RBMS1: variants seen among roughly 807,000 people sequenced by gnomAD.
The protein encoded by RBMS1 is RNA binding motif single stranded interacting protein 1, also known as RNA-binding motif, single-stranded-interacting protein 1.
Under a neutral mutation model 62.3 loss-of-function variants are expected in RBMS1, and 17 were observed. The observed-to-expected ratio is 0.27, with a 90% CI of 0.19 to 0.41. RBMS1 has a LOEUF of 0.41. Among genes scored for constraint, RBMS1 ranks in the 10% least tolerant of loss-of-function variants. The pLI is 1.00. For synonymous variants in RBMS1, 172 were observed against 170.0 expected (o/e 1.01, Z -0.09); for missense variants, 334 against 504.5 (o/e 0.66, Z 3.24).
chr2:160,363,598 C>T lies in RBMS1; in HGVS notation c.251+3618G>A, dbSNP rs200338129. 2.0e-5 allele frequency among the ~76,000 whole-genome samples: 3 copies of T among 151,794 alleles called. No individual in the cohort carries two copies. In the East Asian group the frequency reaches 5.8e-4, roughly 29 times the overall value. On this transcript the variant is annotated intron_variant, in intron 2 of 13. Coordinates refer to ENST00000348849, the MANE Select transcript of RBMS1 (RefSeq NM_016836.4). ...GGGCTGGAGAAGAAGGAAGAAGGGC[C>T]AAAGAAGAATCCACAAAACTTAGTG...
At chr2:160,343,309 G>A (rs565081428) in intron 2 of RBMS1, among the ~76,000 whole-genome samples, 1 of 152,274 alleles carries the variant, frequency 6.6e-6, no homozygotes, top group East Asian at 1.9e-4. Context: ...AATTCTCTTG[G>A]AATGTCATAA....
At chr2:160,431,878 C>A (rs1327381732) in intron 1 of RBMS1, among the ~76,000 whole-genome samples, 2 of 152,106 alleles carry the variant, frequency 1.3e-5, no homozygotes, top group East Asian at 1.9e-4. Context: ...TGTTATATAA[C>A]CCTCATATAG....
intron 1 of RBMS1, among the ~76,000 whole-genome samples, chr2:160,486,548 A>G (rs1475545203): frequency 6.6e-6 from 1 of 152,148 alleles, no homozygotes; most frequent in Non-Finnish European, 1.5e-5. Context: ...CCAACTGCAT[A>G]GCGCATGTTG....
At chr2:160,398,290 C>G (rs1160149030) in intron 1 of RBMS1, among the ~76,000 whole-genome samples, 6 of 152,118 alleles carry the variant, frequency 3.9e-5, no homozygotes, top group Non-Finnish European at 8.8e-5. Context: ...AACCAATGTA[C>G]TTGTTAGACT....
chr2:160,290,977 G>C (rs1442295688), intron 6 of RBMS1, among the ~76,000 whole-genome samples: 1 of 149,604 alleles, frequency 6.7e-6, no homozygotes, highest in East Asian at 2.1e-4. Flanking sequence ...CCGATCTTCT[G>C]AAACTTAACT....
intron 6 of RBMS1, among the ~76,000 whole-genome samples, chr2:160,295,785 AG>A (rs1222170243): frequency 1.3e-5 from 2 of 152,272 alleles, no homozygotes; most frequent in African/African-American, 2.4e-5. Context: ...ACTGTATTCA[AG>A]GAACTGAAGA....
intron 2 of RBMS1, among the ~76,000 whole-genome samples, chr2:160,364,096 T>C (rs569106126): frequency 6.6e-6 from 1 of 152,346 alleles, no homozygotes; most frequent in Non-Finnish European, 1.5e-5. Context: ...AATATTTATA[T>C]GACAAATAGA....
intron 1 of RBMS1, among the ~76,000 whole-genome samples, chr2:160,490,878 G>T (rs568647658): frequency 1.3e-5 from 2 of 152,198 alleles, no homozygotes; most frequent in African/African-American, 4.8e-5. Flanking sequence ...ACTCTGCCTA[G>T]CAAACACATC....
chr2:160,456,492 A>G (rs189338886), intron 1 of RBMS1, among the ~76,000 whole-genome samples: 2 of 152,328 alleles, frequency 1.3e-5, no homozygotes, highest in Admixed American at 1.3e-4. Context: ...TCTAATGGAA[A>G]GTTTTCTAAG....
At chr2:160,282,502 GCAAA>G (rs1192155863) in intron 9 of RBMS1, 2 of 356,244 alleles carry the variant, frequency 5.6e-6, no homozygotes, top group East Asian at 1.5e-4. Flanking sequence ...TGATGGGAAG[GCAAA>G]CAACTCCCTA....
chr2:160,414,829 A>C (rs1696157429), intron 1 of RBMS1, among the ~76,000 whole-genome samples: 1 of 150,216 alleles, frequency 6.7e-6, no homozygotes, highest in Non-Finnish European at 1.5e-5. Flanking sequence ...CCTGGGCAAC[A>C]GAGCAAGACC....
At chr2:160,423,219 TTTTTCTTTCAA>T (rs1262615903) in intron 1 of RBMS1, among the ~76,000 whole-genome samples, 1 of 95,984 alleles carries the variant, frequency 1.0e-5, no homozygotes, top group African/African-American at 3.2e-5. Flanking sequence ...TTCTTTTCTT[TTTTTCTTTCAA>T]TTTTTCTTGG....
At chr2:160,433,533 T>G (rs1178767709) in intron 1 of RBMS1, among the ~76,000 whole-genome samples, 2 of 152,222 alleles carry the variant, frequency 1.3e-5, no homozygotes, top group African/African-American at 4.8e-5. Flanking sequence ...GCTTCACAAT[T>G]AAAACAAGTG....
chr2:160,416,826 A>G (rs1414107126), intron 1 of RBMS1, among the ~76,000 whole-genome samples: 3 of 152,222 alleles, frequency 2.0e-5, no homozygotes, highest in African/African-American at 7.2e-5. Flanking sequence ...AATTCATTCC[A>G]TCTATTCATA....
At chr2:160,295,504 C>T (rs1366768186) in intron 6 of RBMS1, among the ~76,000 whole-genome samples, 1 of 152,218 alleles carries the variant, frequency 6.6e-6, no homozygotes, top group African/African-American at 2.4e-5. Context: ...TGCAGTAACG[C>T]TCTCAATGTA....
At chr2:160,408,273 G>C (rs867108618) in intron 1 of RBMS1, among the ~76,000 whole-genome samples, 9 of 151,598 alleles carry the variant, frequency 5.9e-5, no homozygotes, top group Non-Finnish European at 1.0e-4. Context: ...CTGGCACCTC[G>C]GTCTTCCCTC....
intron 2 of RBMS1, among the ~76,000 whole-genome samples, chr2:160,324,649 C>A (rs1690785839): frequency 1.3e-5 from 2 of 151,646 alleles, no homozygotes; most frequent in South Asian, 4.2e-4. Context: ...GAAGGACAAA[C>A]AGGGATTCAC....
intron 2 of RBMS1, among the ~76,000 whole-genome samples, chr2:160,322,709 A>G (rs1294344130): frequency 6.6e-6 from 1 of 152,138 alleles, no homozygotes; most frequent in Admixed American, 6.5e-5. Context: ...TGTCCACTCA[A>G]TTATACCACT....
At chr2:160,449,175 G>T (rs7424659) in intron 1 of RBMS1, among the ~76,000 whole-genome samples, 8 of 150,500 alleles carry the variant, frequency 5.3e-5, no homozygotes, top group Non-Finnish European at 1.0e-4. Context: ...CGTCTCCGCC[G>T]GGCAGCCGCA....
Sources: gnomAD v4.1 joint callset for allele counts (sites outside exome capture counted in the v4.1 genomes callset) on GRCh38, gnomAD v4.1.1 for gene constraint, MANE v1.5 for transcripts, NCBI Gene and HGNC (gene_info 2026-07-23, HGNC 2026-07-21) for gene names.